Variants in COL25A1 observed in about 807,000 individuals in gnomAD.
COL25A1 encodes the protein collagen alpha-1(XXV) chain.
In COL25A1, 103 loss-of-function variants were observed where a neutral mutation model predicts 128.4. That is an observed-to-expected ratio of 0.80 (90% CI 0.68 to 0.94). The LOEUF (loss-of-function observed/expected upper bound fraction) is 0.94, where lower values mean the gene tolerates loss of function less well. Among genes scored for constraint, COL25A1 ranks in the 40% least tolerant of loss-of-function variants. COL25A1 has a pLI of 0.00. For synonymous variants in COL25A1, 279 were observed against 277.2 expected (o/e 1.01, Z -0.06); for missense variants, 745 against 840.0 (o/e 0.89, Z 1.40).
At chr4:109,020,357 C>A (rs894733629) in intron 5 of COL25A1, among the ~76,000 whole-genome samples, 8 of 152,038 alleles carry the variant, frequency 5.3e-5, no homozygotes, top group Non-Finnish European at 7.4e-5. Context: ...TTTTGGAAAA[C>A]AATTAATTCT....
At chr4:109,185,681 G>C (rs374839015) in intron 3 of COL25A1, among the ~76,000 whole-genome samples, 1 of 152,120 alleles carries the variant, frequency 6.6e-6, no homozygotes, top group East Asian at 1.9e-4. Flanking sequence ...CAATAATTAT[G>C]GTTAAATGAG....
chr4:109,261,919 G>A (rs1358525835), intron 3 of COL25A1, among the ~76,000 whole-genome samples: 5 of 151,594 alleles, frequency 3.3e-5, no homozygotes, highest in East Asian at 4.0e-4. Context: ...GGATGGTCTC[G>A]ATCTCCTGAC....
intron 5 of COL25A1, among the ~76,000 whole-genome samples, chr4:109,042,876 T>C (rs1760055463): frequency 6.6e-6 from 1 of 152,088 alleles, no homozygotes; most frequent in East Asian, 1.9e-4. Context: ...AGAGCAGTCA[T>C]AAGATGTAAG....
rs114228871 is a variant in COL25A1, at chr4:109,030,354, C to A, written c.420+17814G>T. On this transcript the variant is annotated intron_variant, in intron 5 of 37. Transcript: ENST00000399132. ...TTCCCATCCTACACCCACCATTGGG[C>A]ACACTTTGGCTCAGCACTGGCCACA... 1.8e-3 allele frequency among the ~76,000 whole-genome samples: 278 copies of A among 152,256 alleles called. 2 individuals are homozygous for A. The highest frequency in any genetic ancestry group is 6.5e-3 in the African/African-American group (271 of 41,542).
chr4:108,940,509 T>A (rs1247513743), intron 10 of COL25A1, 30 bp downstream of exon 10: 1 of 1,563,186 alleles, frequency 6.4e-7, no homozygotes, highest in East Asian at 2.2e-5. Flanking sequence ...GCAAAACGTG[T>A]GAGAATAAGT....
In COL25A1 at chr4:108,972,777, T is replaced by C. The variant is rs150055011; in HGVS notation, c.492+1590A>G. Among the ~76,000 whole-genome samples the C allele has an allele frequency of 1.5e-3, 228 of 152,190 alleles. 1 individual carries two copies. Among genetic ancestry groups the C allele is most frequent in the African/African-American group, 4.6e-3 (193 of 41,526 alleles). ...TGGCTGAAATCTGCATGAAAGGCAG[T>C]CTGGGTTTGTCGAAGTAGTTCATGA... is the stretch of plus-strand genomic sequence containing the variant. On this transcript the variant is annotated intron_variant, in intron 8 of 37. Coordinates refer to ENST00000399132, the MANE Select transcript of COL25A1 (RefSeq NM_198721.4).
chr4:109,214,970 C>T (rs868497623), intron 3 of COL25A1, among the ~76,000 whole-genome samples: 8 of 152,250 alleles, frequency 5.3e-5, no homozygotes, highest in South Asian at 2.1e-4. Context: ...AAAGCCTAAA[C>T]GTACAATCTT....
intron 3 of COL25A1, among the ~76,000 whole-genome samples, chr4:109,113,772 C>T (rs1237580017): frequency 1.3e-5 from 2 of 152,026 alleles, no homozygotes; most frequent in Non-Finnish European, 2.9e-5. Flanking sequence ...CCATACGCAG[C>T]TGAAGAAAGG....
intron 3 of COL25A1, among the ~76,000 whole-genome samples, chr4:109,051,160 C>CT (rs1251587305): frequency 3.9e-5 from 6 of 152,066 alleles, no homozygotes; most frequent in Non-Finnish European, 8.8e-5. Flanking sequence ...GAATGAGCTG[C>CT]TAAGTAGGAC....
At chr4:108,904,884 TAAG>T (rs2125871814) in intron 13 of COL25A1, among the ~76,000 whole-genome samples, 1 of 149,092 alleles carries the variant, frequency 6.7e-6, no homozygotes, top group South Asian at 2.2e-4. Context: ...GACTGACTTT[TAAG>T]AAGGATGGCT....
At chr4:108,862,233 G>A (rs530256443) in intron 22 of COL25A1, among the ~76,000 whole-genome samples, 42 of 152,092 alleles carry the variant, frequency 2.8e-4, no homozygotes, top group Non-Finnish European at 4.7e-4. Context: ...TTTTTTCAAA[G>A]AAGCTATTCC....
At chr4:109,254,715 GA>G (rs1324132042) in intron 3 of COL25A1, among the ~76,000 whole-genome samples, 2 of 151,588 alleles carry the variant, frequency 1.3e-5, no homozygotes. Context: ...TGAATTTAAA[GA>G]AATTCCTTTA....
intron 3 of COL25A1, among the ~76,000 whole-genome samples, chr4:109,149,999 G>GT (rs1560774295): frequency 1.7e-3 from 222 of 132,288 alleles, no homozygotes; most frequent in South Asian, 3.5e-3. Context: ...TGTATGTGTG[G>GT]GTGTGTGTGT....
At chr4:109,175,647 T>C (rs1774023705) in intron 3 of COL25A1, among the ~76,000 whole-genome samples, 1 of 152,230 alleles carries the variant, frequency 6.6e-6, no homozygotes, top group East Asian at 1.9e-4. Context: ...CCCAAAAATT[T>C]AATTTTTAGG....
At chr4:109,182,364 A>G (rs1277361165) in intron 3 of COL25A1, among the ~76,000 whole-genome samples, 2 of 152,122 alleles carry the variant, frequency 1.3e-5, no homozygotes, top group African/African-American at 2.4e-5. Context: ...ATTGTTTTCA[A>G]TTGTGTAAAG....
chr4:109,208,940 G>GT (rs1777268030), intron 3 of COL25A1, among the ~76,000 whole-genome samples: 1 of 152,120 alleles, frequency 6.6e-6, no homozygotes, highest in Non-Finnish European at 1.5e-5. Flanking sequence ...ACTGTGCTGA[G>GT]AAAATAGGGA....
At chr4:109,222,298 G>A (rs1409725286) in intron 3 of COL25A1, among the ~76,000 whole-genome samples, 1 of 151,748 alleles carries the variant, frequency 6.6e-6, no homozygotes, top group African/African-American at 2.4e-5. Flanking sequence ...TCCTGACCTC[G>A]TGATCCGCCC....
intron 3 of COL25A1, among the ~76,000 whole-genome samples, chr4:109,176,931 G>C (rs1359685556): frequency 1.3e-5 from 2 of 152,128 alleles, no homozygotes; most frequent in Non-Finnish European, 2.9e-5. Context: ...GGAACATGGT[G>C]CTGCTGACAC....
At chr4:108,947,519 T>G (rs1275034637) in intron 8 of COL25A1, among the ~76,000 whole-genome samples, 2 of 151,552 alleles carry the variant, frequency 1.3e-5, no homozygotes, top group Non-Finnish European at 2.9e-5. Context: ...ATATCTGAAG[T>G]CACCTAGGGA....
Sources: gnomAD v4.1 joint callset for allele counts (sites outside exome capture counted in the v4.1 genomes callset) on GRCh38, gnomAD v4.1.1 for gene constraint, MANE v1.5 for transcripts, NCBI Gene and HGNC (gene_info 2026-07-23, HGNC 2026-07-21) for gene names.